Variants in QPCT observed in about 807,000 individuals in gnomAD.
The protein encoded by QPCT is EC.
A neutral mutation model predicts 43.4 loss-of-function variants in QPCT; 44 were observed. The ratio of observed to expected loss-of-function variants is 1.01; its 90% CI spans 0.80 to 1.30. QPCT has a LOEUF of 1.30. QPCT is among the 50% of genes most tolerant of loss of function. The pLI is 0.00. For synonymous variants in QPCT, 168 were observed against 168.4 expected, an observed-to-expected ratio of 1.00 and a Z score of 0.02; for missense variants, 526 against 436.5, an observed-to-expected ratio of 1.21 and a Z score of -1.83.
At chr2:37,350,922 C>T (rs1396746614) in intron 1 of QPCT, among the ~76,000 whole-genome samples, 2 of 152,140 alleles carry the variant, frequency 1.3e-5, no homozygotes, top group Non-Finnish European at 2.9e-5. Context: ...GAAATTGAGC[C>T]TTAATGAGGT....
chr2:37,362,396 CT>C (rs1672872138), intron 3 of QPCT, among the ~76,000 whole-genome samples: 1 of 152,128 alleles, frequency 6.6e-6, no homozygotes, highest in African/African-American at 2.4e-5. Flanking sequence ...TTATTAAACC[CT>C]GAGTGCATTT....
intron 1 of QPCT, among the ~76,000 whole-genome samples, chr2:37,347,165 A>ATATATAT (rs1558599309): frequency 7.3e-5 from 2 of 27,350 alleles, no homozygotes; most frequent in African/African-American, 3.8e-4. Flanking sequence ...TATATATATA[A>ATATATAT]CATATATATA....
chr2:37,363,042 C>T (rs1051399225), intron 3 of QPCT, among the ~76,000 whole-genome samples: 1 of 152,308 alleles, frequency 6.6e-6, no homozygotes, highest in Admixed American at 6.5e-5. Context: ...GGAGATTAGG[C>T]GAAAGCCTAC....
Position 37,359,612 on chromosome 2 carries a change from T to G in QPCT, c.300T>G (p.Ala100=). The change falls in exon 3 of 7, where the codon GCT becomes GCG. Residue 100 remains alanine (A), a synonymous_variant. Transcript: ENST00000338415. ...TGCAGCGAATTCAGAGGCTTCAGGC[T>G]GACTGGGTCTTGGAAATAGACACCT... ...HIMQRIQRLQ[A]DWVLEIDTFL... 2.5e-6 allele frequency: 4 copies of G among 1,614,202 alleles called. No individual in the cohort carries two copies. Among genetic ancestry groups the G allele is most frequent in the Non-Finnish European group, 3.4e-6 (4 of 1,180,030 alleles).
chr2:37,351,354 G>T (rs1158269762), intron 1 of QPCT, among the ~76,000 whole-genome samples: 1 of 152,110 alleles, frequency 6.6e-6, no homozygotes, highest in Non-Finnish European at 1.5e-5. Flanking sequence ...TCCATTATTA[G>T]GTGCCTGATA....
Position 37,359,639 on chromosome 2 carries a change from C to G in QPCT, c.327C>G (p.Phe109Leu). Residue 109 changes from phenylalanine to leucine, a missense_variant, in exon 3 of 7, where the codon TTC becomes TTG. Physicochemically the swap from Phe to Leu is conservative, Grantham distance 22 (BLOSUM62 0). Transcript: ENST00000338415. ...ACTGGGTCTTGGAAATAGACACCTT[C>G]TTGAGTCAGACACCCTATGGGTACC... ...QADWVLEIDT[F>L]LSQTPYGYRS... The G allele has an allele frequency of 6.2e-7, 1 of 1,614,140 alleles. No individual in the cohort carries two copies. Among genetic ancestry groups the G allele is most frequent in the Admixed American group, 1.7e-5 (1 of 60,020 alleles).
chr2:37,347,220 T>TATATATATAAA (rs1672521018), intron 1 of QPCT, among the ~76,000 whole-genome samples: 1 of 70,252 alleles, frequency 1.4e-5, no homozygotes, highest in Non-Finnish European at 2.4e-5. Flanking sequence ...ATATATAACA[T>TATATATATAAA]ATATATATAA....
intron 1 of QPCT, among the ~76,000 whole-genome samples, chr2:37,346,003 G>A (rs374144003): frequency 2.0e-5 from 3 of 152,290 alleles, no homozygotes; most frequent in East Asian, 1.9e-4. Context: ...AAGAAAAGCA[G>A]CAAAGTGAAG....
chr2:37,359,257 TTG>T (rs1460106267), intron 2 of QPCT, among the ~76,000 whole-genome samples: 1 of 152,162 alleles, frequency 6.6e-6, no homozygotes, highest in African/African-American at 2.4e-5. Context: ...TACTGTAGGT[TTG>T]CATAAGCAAG....
chr2:37,370,114 A>G (rs1673045468), intron 5 of QPCT, among the ~76,000 whole-genome samples: 1 of 152,110 alleles, frequency 6.6e-6, no homozygotes. Flanking sequence ...GAACCTGGGA[A>G]GCAGAAGTTG....
chr2:37,364,595 C>T (rs6722596), intron 3 of QPCT, among the ~76,000 whole-genome samples: 1 of 152,026 alleles, frequency 6.6e-6, no homozygotes, highest in Non-Finnish European at 1.5e-5. Flanking sequence ...AGAGGCAGGA[C>T]GAACTGGATT....
At chr2:37,361,916 A>G (rs746069609) in intron 3 of QPCT, among the ~76,000 whole-genome samples, 3 of 152,216 alleles carry the variant, frequency 2.0e-5, no homozygotes, top group African/African-American at 4.8e-5. Context: ...GGCCAGTCAG[A>G]TTCTCCTAGC....
rs368451400 is a variant in QPCT, at chr2:37,372,700, T to G, written c.959T>G (p.Leu320Arg). Residue 320 changes from leucine (L) to arginine (R), a missense_variant, in exon 7 of 7, where the codon CTG becomes CGG. Coordinates refer to ENST00000338415, the MANE Select transcript of QPCT (RefSeq NM_012413.4). The stretch of plus-strand genomic sequence containing the variant: ...TTAATAGGTGTTCCAGTTCTGCATC[T>G]GATACCGTCTCCTTTCCCTGAAGTC... ...FLRRGVPVLH[L>R]IPSPFPEVWH... is the part of the protein sequence containing the mutation. The G allele has an allele frequency of 1.9e-6, 3 of 1,613,424 alleles. No individual in the cohort carries two copies. Among genetic ancestry groups the G allele is most frequent in the Non-Finnish European group, 2.5e-6 (3 of 1,179,754 alleles).
At chr2:37,352,186 A>C (rs1470582280) in intron 1 of QPCT, among the ~76,000 whole-genome samples, 3 of 152,310 alleles carry the variant, frequency 2.0e-5, no homozygotes, top group Non-Finnish European at 4.4e-5. Context: ...AATCATTATA[A>C]AATTTTGAAT....
rs2287094 is a variant in QPCT at position 37,372,545 on chromosome 2, A to G, written c.940+73A>G. Reference sequence around the variant, plus strand: ...TGATTTTGGAGTACAACGGTGGGATATGAGAAAGTACACAGATGATGATGA... The same window carrying G: ...TGATTTTGGAGTACAACGGTGGGATGTGAGAAAGTACACAGATGATGATGA... On this transcript the variant is annotated intron_variant, in intron 6 of 6. Transcript: ENST00000338415. The G allele has an allele frequency of 0.068, 99,708 of 1,466,210 alleles. 9,190 individuals carry two copies. The highest frequency in any genetic ancestry group is 0.41 in the East Asian group (17,960 of 44,056). The allele number at this position is 1,466,210 out of a possible 1,614,324, so 90.8% of individuals were successfully genotyped here.
intron 1 of QPCT, among the ~76,000 whole-genome samples, chr2:37,347,211 TATATAACATATATATATAAC>T (rs1171163934): frequency 1.1e-4 from 10 of 93,418 alleles, no homozygotes; most frequent in East Asian, 3.4e-4. Flanking sequence ...ATATAACATA[TATATAACATATATATATAAC>T]ATATATATAT....
At chr2:37,363,621 A>G (rs1447551157) in intron 3 of QPCT, among the ~76,000 whole-genome samples, 1 of 150,436 alleles carries the variant, frequency 6.6e-6, no homozygotes, top group East Asian at 1.9e-4. Context: ...ACAGAGTGAG[A>G]CCCTGTCTCT....
intron 3 of QPCT, among the ~76,000 whole-genome samples, chr2:37,365,534 A>G (rs1264991049): frequency 6.6e-6 from 1 of 152,200 alleles, no homozygotes; most frequent in African/African-American, 2.4e-5. Context: ...GGGATTACAA[A>G]ATTGGGCAGT....
intron 3 of QPCT, among the ~76,000 whole-genome samples, chr2:37,366,936 C>A (rs370762838): frequency 6.6e-6 from 1 of 152,122 alleles, no homozygotes; most frequent in Non-Finnish European, 1.5e-5. Context: ...GTGTATCACA[C>A]GATTCATCAC....
Sources: gnomAD v4.1 joint callset for allele counts (sites outside exome capture counted in the v4.1 genomes callset) on GRCh38, gnomAD v4.1.1 for gene constraint, MANE v1.5 for transcripts, NCBI Gene and HGNC (gene_info 2026-07-23, HGNC 2026-07-21) for gene names.